The following CNTN3 variants were observed in gnomAD, a reference collection of about 807,000 sequenced individuals.
CNTN3 encodes contactin-3.
CNTN3 carries 60 observed loss-of-function variants against 119.1 expected under a neutral mutation model. The observed-to-expected ratio is 0.50, with a 90% CI of 0.41 to 0.62. CNTN3 has a LOEUF of 0.62. Among genes scored for constraint, CNTN3 ranks in the 20% least tolerant of loss-of-function variants. The pLI, the probability that CNTN3 is intolerant of heterozygous loss-of-function variation, is 0.00. For missense variants in CNTN3, 1,101 were observed against 1,242.4 expected (o/e 0.89, Z 1.71); for synonymous variants, 450 against 438.7 (o/e 1.03, Z -0.32).
At chr3:74,589,078 A>G (rs1363965497) in intron 1 of CNTN3, among the ~76,000 whole-genome samples, 1 of 150,968 alleles carries the variant, frequency 6.6e-6, no homozygotes, top group Non-Finnish European at 1.5e-5. Context: ...ACCAAAAGCA[A>G]TGGCAACAAA....
intron 1 of CNTN3, among the ~76,000 whole-genome samples, chr3:74,544,588 CTT>C (rs1376070737): frequency 2.6e-5 from 4 of 151,758 alleles, no homozygotes; most frequent in South Asian, 2.1e-4. Flanking sequence ...AGATGAAACT[CTT>C]TTTTTGGTGG....
intron 13 of CNTN3, among the ~76,000 whole-genome samples, chr3:74,308,494 A>G (rs2106831752): frequency 6.6e-6 from 1 of 152,324 alleles, no homozygotes; most frequent in South Asian, 2.1e-4. Flanking sequence ...GTGACACATC[A>G]AAGATCACAA....
intron 2 of CNTN3, among the ~76,000 whole-genome samples, chr3:74,517,883 T>C (rs1243299357): frequency 6.6e-6 from 1 of 151,972 alleles, no homozygotes; most frequent in East Asian, 1.9e-4. Context: ...CTTGTGAATA[T>C]ACCAGCTTCC....
intron 5 of CNTN3, among the ~76,000 whole-genome samples, chr3:74,420,512 A>G (rs1233083422): frequency 1.3e-5 from 2 of 152,220 alleles, no homozygotes; most frequent in Non-Finnish European, 2.9e-5. Flanking sequence ...CAATTTTACT[A>G]TGAGTCAAAA....
At chr3:74,381,285 A>G (rs2106810890) in intron 5 of CNTN3, among the ~76,000 whole-genome samples, 1 of 152,272 alleles carries the variant, frequency 6.6e-6, no homozygotes, top group East Asian at 1.9e-4. Flanking sequence ...AAATTGCACA[A>G]TTAAAATATA....
chr3:74,339,272 A>G (rs897867882), intron 11 of CNTN3, among the ~76,000 whole-genome samples: 12 of 152,078 alleles, frequency 7.9e-5, no homozygotes, highest in Non-Finnish European at 1.3e-4. Context: ...GATACAGACT[A>G]TATCCTAAGC....
At chr3:74,576,485 C>A (rs576234565) in intron 1 of CNTN3, among the ~76,000 whole-genome samples, 63 of 152,114 alleles carry the variant, frequency 4.1e-4, no homozygotes, top group Non-Finnish European at 8.1e-4. Flanking sequence ...TAATTCTTAA[C>A]CTGGACACAA....
In CNTN3 at chr3:74,455,546, A is replaced by G. The variant is rs565166619; in HGVS notation, c.359-30606T>C. Among the ~76,000 whole-genome samples, 9 of 152,248 alleles carry G rather than the reference A, an allele frequency of 5.9e-5. No homozygotes were observed. The South Asian group carries it at 1.9e-3, about 32-fold the overall frequency. On this transcript the variant is annotated intron_variant, in intron 4 of 22. Coordinates refer to ENST00000263665, the MANE Select transcript of CNTN3 (RefSeq NM_020872.3). ...AGCTTTGTTCCATTGCTGGTGAGGA[A>G]CTGCGATCCTTTGGAGGAGGAGAGG...
intron 1 of CNTN3, among the ~76,000 whole-genome samples, chr3:74,609,832 G>C (rs1276404577): frequency 6.6e-6 from 1 of 152,178 alleles, no homozygotes; most frequent in Admixed American, 6.5e-5. Context: ...TGTGGTAACT[G>C]CTTACAAGGT....
At chr3:74,309,004 C>T (rs1262105268) in intron 13 of CNTN3, among the ~76,000 whole-genome samples, 1 of 152,024 alleles carries the variant, frequency 6.6e-6, no homozygotes, top group Non-Finnish European at 1.5e-5. Context: ...GTCCCTGAGC[C>T]GGAGACGTTT....
chr3:74,339,063 T>C (rs976370644), intron 11 of CNTN3, among the ~76,000 whole-genome samples: 1 of 152,074 alleles, frequency 6.6e-6, no homozygotes, highest in African/African-American at 2.4e-5. Context: ...CTAATGAGCA[T>C]GTAATAATAA....
intron 11 of CNTN3, among the ~76,000 whole-genome samples, chr3:74,351,284 A>G (rs1464135076): frequency 6.6e-6 from 1 of 152,188 alleles, no homozygotes; most frequent in Non-Finnish European, 1.5e-5. Context: ...ACAAAGTTGG[A>G]AATAATTTGT....
chr3:74,591,956 A>C (rs577988328), intron 1 of CNTN3, among the ~76,000 whole-genome samples: 1 of 152,034 alleles, frequency 6.6e-6, no homozygotes, highest in African/African-American at 2.4e-5. Flanking sequence ...AAGAGAGGAA[A>C]GAAAATTCAG....
intron 1 of CNTN3, among the ~76,000 whole-genome samples, chr3:74,585,996 C>T (rs1184589354): frequency 4.6e-5 from 7 of 152,090 alleles, no homozygotes; most frequent in African/African-American, 1.4e-4. Flanking sequence ...AAGTAGAATA[C>T]CAACCCACTG....
chr3:74,568,499 G>A (rs1337213411), intron 1 of CNTN3, among the ~76,000 whole-genome samples: 3 of 152,162 alleles, frequency 2.0e-5, no homozygotes, highest in African/African-American at 4.8e-5. Flanking sequence ...AGCTTGCTCT[G>A]CAGCTGTTCT....
intron 1 of CNTN3, among the ~76,000 whole-genome samples, chr3:74,558,761 C>A (rs1455299397): frequency 6.6e-6 from 1 of 152,020 alleles, no homozygotes. Context: ...GCAGGCAAAT[C>A]ACATGAGGCC....
In CNTN3 at chr3:74,589,297, G is replaced by T. The variant is rs1202591691; in HGVS notation, c.-81+25094C>A. On this transcript the variant is annotated intron_variant, in intron 1 of 22. Transcript: ENST00000263665. ...CAACCGCATCAAAAAGTGGGCAAAG[G>T]ATATGAACAGACACTTCTCAAAAGA... 7.6e-3 allele frequency among the ~76,000 whole-genome samples: 1,131 copies of T among 148,726 alleles called. 3 individuals are homozygous for T. The highest frequency in any genetic ancestry group is 0.027 in the African/African-American group (1,047 of 38,682).
chr3:74,451,478 G>T (rs1702154322), intron 4 of CNTN3, among the ~76,000 whole-genome samples: 1 of 152,118 alleles, frequency 6.6e-6, no homozygotes, highest in Non-Finnish European at 1.5e-5. Flanking sequence ...TGTTCACTCT[G>T]ATGGTAGTTT....
At chr3:74,438,042 A>T (rs1701901322) in intron 4 of CNTN3, among the ~76,000 whole-genome samples, 1 of 152,230 alleles carries the variant, frequency 6.6e-6, no homozygotes, top group Non-Finnish European at 1.5e-5. Flanking sequence ...ACAAAGATGT[A>T]CTTGGTCTTC....
Sources: allele counts gnomAD v4.1 joint callset (sites outside exome capture counted in the v4.1 genomes callset), GRCh38; gene constraint gnomAD v4.1.1; transcripts MANE v1.5; gene names NCBI Gene and HGNC (gene_info 2026-07-23, HGNC 2026-07-21).